ACCSL: variants seen among roughly 807,000 people sequenced by gnomAD.
ACCSL encodes probable inactive 1-aminocyclopropane-1-carboxylate synthase-like protein 2.
In ACCSL, 55 loss-of-function variants were observed where a neutral mutation model predicts 61.7. That is an observed-to-expected ratio of 0.89 (90% CI 0.72 to 1.12). ACCSL has a LOEUF of 1.12. ACCSL is among the 50% of genes most tolerant of loss of function. ACCSL has a pLI of 0.00. For missense variants in ACCSL, 632 were observed against 698.0 expected (o/e 0.91, Z 1.07); for synonymous variants, 258 against 264.3 (o/e 0.98, Z 0.23).
the ACCSL span, among the ~76,000 whole-genome samples, chr11:44,025,417 T>C: frequency 6.6e-6 from 1 of 152,172 alleles, no homozygotes; most frequent in African/African-American, 2.4e-5. Context: ...TTAATTTCAA[T>C]AGTATACTAT....
chr11:43,938,930 T>C, the ACCSL span, among the ~76,000 whole-genome samples: 3 of 152,248 alleles, frequency 2.0e-5, no homozygotes, highest in Non-Finnish European at 4.4e-5. Flanking sequence ...GTTTAAAGTT[T>C]GGCCTAAGAG....
chr11:44,056,432 A>AT, intron 11 of ACCSL, 106 bp downstream of exon 11: 5 of 1,380,938 alleles, frequency 3.6e-6, no homozygotes, highest in Non-Finnish European at 4.9e-6. Context: ...CTGAGACCCT[A>AT]TTTCCTGTCT....
At chr11:44,001,775 CTGTGTGTGTGTGTGTGTGTGTGTGTGTG>C in the ACCSL span, among the ~76,000 whole-genome samples, 5 of 96,768 alleles carry the variant, frequency 5.2e-5, no homozygotes, top group Admixed American at 4.4e-4. Flanking sequence ...GGTAAAGGGG[CTGTGTGTGTGTGTGTGTGTGTGTGTGTG>C]TGTGTGTGTG....
the ACCSL span, among the ~76,000 whole-genome samples, chr11:43,958,642 G>A: frequency 1.3e-5 from 2 of 152,146 alleles, no homozygotes; most frequent in African/African-American, 4.8e-5. Flanking sequence ...TCAGTCTATC[G>A]GAGGGCTTAC....
chr11:44,058,593 C>T lies in ACCSL; in HGVS notation c.1518C>T (p.Arg506=). The T allele has an allele frequency of 6.2e-7, 1 of 1,614,160 alleles. No homozygotes were observed. ...AAGAAGAACGGCTCCTCTATTGCCG[C>T]TTCCTGGACAACAAGCTATTGTTAT... ...TFEEERLLYC[R]FLDNKLLLSR... is the part of the protein sequence containing the mutation. The change falls in exon 13 of 14, where the codon CGC becomes CGT. Residue 506 remains arginine (R), a synonymous_variant. Transcript: ENST00000378832.
At chr11:43,942,035 CGTGTGTGTGTGTGTGTGTGT>C in the ACCSL span, among the ~76,000 whole-genome samples, 5 of 89,620 alleles carry the variant, frequency 5.6e-5, no homozygotes, top group African/African-American at 1.5e-4. Flanking sequence ...TGCATTCGTG[CGTGTGTGTGTGTGTGTGTGT>C]GTGTGTGTGT....
the ACCSL span, among the ~76,000 whole-genome samples, chr11:43,980,952 A>G: frequency 1.3e-5 from 2 of 152,218 alleles, no homozygotes; most frequent in Non-Finnish European, 1.5e-5. Context: ...CACAGGCATC[A>G]CTGCATGGCC....
At chr11:44,000,539 GA>G in the ACCSL span, among the ~76,000 whole-genome samples, 6 of 73,056 alleles carry the variant, frequency 8.2e-5, no homozygotes, top group Admixed American at 1.4e-4. Context: ...AAAAAAAAAA[GA>G]AAAGAAAACA....
At chr11:43,923,783 CAG>C in the ACCSL span, among the ~76,000 whole-genome samples, 2 of 152,206 alleles carry the variant, frequency 1.3e-5, no homozygotes, top group Admixed American at 1.3e-4. Flanking sequence ...GAGGCAGTGT[CAG>C]AGCACAGTGG....
At chr11:43,954,687 T>G in the ACCSL span, among the ~76,000 whole-genome samples, 1 of 151,998 alleles carries the variant, frequency 6.6e-6, no homozygotes, top group Non-Finnish European at 1.5e-5. Context: ...CAGGTTCAAG[T>G]GATTCTCCTG....
the ACCSL span, among the ~76,000 whole-genome samples, chr11:44,003,164 A>C: frequency 6.6e-6 from 1 of 152,144 alleles, no homozygotes; most frequent in Non-Finnish European, 1.5e-5. Context: ...ATGAGGAGAA[A>C]AATTATGTTA....
At chr11:44,006,969 C>G in the ACCSL span, among the ~76,000 whole-genome samples, 1 of 152,148 alleles carries the variant, frequency 6.6e-6, no homozygotes, top group Non-Finnish European at 1.5e-5. Flanking sequence ...TGACCCTAGA[C>G]GAGCGTCAAG....
chr11:44,007,390 C>G, the ACCSL span, among the ~76,000 whole-genome samples: 1 of 152,338 alleles, frequency 6.6e-6, no homozygotes, highest in South Asian at 2.1e-4. Context: ...AGAGGCCCCA[C>G]TTGGATGTGG....
chr11:44,019,284 C>T, the ACCSL span, among the ~76,000 whole-genome samples: 12 of 152,008 alleles, frequency 7.9e-5, no homozygotes, highest in Admixed American at 7.2e-4. Context: ...AATTCTGTTG[C>T]GTATATACCT....
intron 3 of ACCSL, among the ~76,000 whole-genome samples, chr11:44,051,086 C>T (rs1379916391): frequency 6.6e-6 from 1 of 152,166 alleles, no homozygotes; most frequent in East Asian, 1.9e-4. Context: ...TGTGATCCAC[C>T]CGCCTTGGCC....
chr11:43,999,507 T>C, the ACCSL span, among the ~76,000 whole-genome samples: 8 of 152,184 alleles, frequency 5.3e-5, no homozygotes, highest in African/African-American at 1.7e-4. Flanking sequence ...TCTCAGTTTC[T>C]TGCAGGCTGT....
At chr11:43,965,425 A>C in the ACCSL span, among the ~76,000 whole-genome samples, 150 of 152,346 alleles carry the variant, frequency 9.8e-4, 2 homozygotes, top group African/African-American at 3.4e-3. Flanking sequence ...ACCGAAAACT[A>C]CAAAACATTG....
At chr11:44,037,222 C>T in the ACCSL span, among the ~76,000 whole-genome samples, 1 of 152,190 alleles carries the variant, frequency 6.6e-6, no homozygotes, top group African/African-American at 2.4e-5. Flanking sequence ...GGGGTGGTAG[C>T]AGGAACAGTC....
chr11:43,976,971 C>T, the ACCSL span, among the ~76,000 whole-genome samples: 1 of 152,150 alleles, frequency 6.6e-6, no homozygotes, highest in African/African-American at 2.4e-5. Flanking sequence ...AATCGGTGGG[C>T]CAGATCCTTC....
Sources: gnomAD v4.1 joint callset for allele counts (sites outside exome capture counted in the v4.1 genomes callset) on GRCh38, gnomAD v4.1.1 for gene constraint, MANE v1.5 for transcripts, NCBI Gene and HGNC (gene_info 2026-07-23, HGNC 2026-07-21) for gene names.